CLASP1: variants seen among roughly 807,000 people sequenced by gnomAD.
The protein encoded by CLASP1 is CLIP-associating protein 1.
A neutral mutation model predicts 192.3 loss-of-function variants in CLASP1; 38 were observed. The ratio of observed to expected loss-of-function variants is 0.20; its 90% confidence interval spans 0.15 to 0.26. The LOEUF is 0.26. CLASP1 is among the 10% of genes least tolerant of loss of function. The pLI is 1.00. For synonymous variants in CLASP1, 691 were observed against 712.8 expected (o/e 0.97, Z 0.49); for missense variants, 1,433 against 1,932.5 (o/e 0.74, Z 4.85).
chr2:121,407,787 A>G (rs2077131175), intron 24 of CLASP1, 72 bp from the exon 26 acceptor site: 2 of 1,539,514 alleles, frequency 1.3e-6, no homozygotes, highest in Non-Finnish European at 1.8e-6. Flanking sequence ...GAGTCACACC[A>G]AACAAAATCT....
intron 19 of CLASP1, among the ~76,000 whole-genome samples, chr2:121,431,281 T>C (rs1299795561): frequency 6.6e-6 from 1 of 152,170 alleles, no homozygotes; most frequent in Non-Finnish European, 1.5e-5. Flanking sequence ...AACTTATAAA[T>C]AAACTCTATA....
intron 8 of CLASP1, among the ~76,000 whole-genome samples, chr2:121,485,081 AT>A (rs1463204614): frequency 6.6e-6 from 1 of 152,210 alleles, no homozygotes; most frequent in Non-Finnish European, 1.5e-5. Context: ...CATTTTGGAC[AT>A]GGTGGTTCAG....
chr2:121,460,165 T>A, intron 11 of CLASP1, 40 bp from the exon 12 acceptor site: 1 of 1,532,110 alleles, frequency 6.5e-7, no homozygotes, highest in Non-Finnish European at 9.0e-7. Context: ...AGAAAACAAT[T>A]CTAACACAGA....
Position 121,456,336 on chromosome 2 carries a change from TA to T in CLASP1, c.1385+1350del, listed in dbSNP as rs546786110. Among the ~76,000 whole-genome samples, 1,102 of 130,108 alleles carry T rather than the reference TA, an allele frequency of 8.5e-3. 8 individuals carry two copies. The highest frequency in any genetic ancestry group is 0.022 in the African/African-American group (770 of 35,378). The allele number at this position is 130,108 out of a possible 152,430, so 85.4% of individuals were successfully genotyped here. A position where few individuals can be genotyped will look rare whatever the true frequency, so the allele number is the denominator to read the frequency against. ...GGCAACATAATGAGACCCCCGTCTC[TA>T]AAAAAAAAAAAAAGTAAAAAAAGAA... On this transcript the variant is annotated intron_variant, in intron 14 of 39. Coordinates refer to ENST00000263710, the Ensembl canonical transcript of CLASP1.
chr2:121,419,763 GAATACA>G (rs2079181800), intron 22 of CLASP1, among the ~76,000 whole-genome samples: 1 of 152,136 alleles, frequency 6.6e-6, no homozygotes, highest in Admixed American at 6.5e-5. Flanking sequence ...CTTGTATACT[GAATACA>G]TGTAGGTGGA....
At position 121,339,637 on chromosome 2, in the gene CLASP1, G is replaced by C. The variant is rs915221752; in HGVS notation, c.*1224C>G. 5.3e-5 allele frequency: 8 copies of C among 152,202 alleles called. 1 individual carries two copies. The highest frequency in any genetic ancestry group is 5.2e-4 in the Admixed American group (8 of 15,282). The allele number at this position is 152,202 out of a possible 1,614,324, so 9.4% of individuals were successfully genotyped here. On this transcript the variant is annotated 3_prime_UTR_variant, in exon 40 of 40. Coordinates refer to ENST00000263710, the Ensembl canonical transcript of CLASP1. ...CCTAGTGGTTCGCTGAGGAGGAAGAGAGACTCTAAATGTGTGTTCTTTTTA... is the reference window on the plus strand; with the variant it reads ...CCTAGTGGTTCGCTGAGGAGGAAGACAGACTCTAAATGTGTGTTCTTTTTA...
At chr2:121,463,107 C>T (rs1294011206) in intron 9 of CLASP1, among the ~76,000 whole-genome samples, 1 of 152,072 alleles carries the variant, frequency 6.6e-6, no homozygotes, top group Non-Finnish European at 1.5e-5. Context: ...TCATTTTTTT[C>T]ACTTAAGAAT....
intron 2 of CLASP1, among the ~76,000 whole-genome samples, chr2:121,572,965 T>C (rs2060118306): frequency 6.6e-6 from 1 of 152,240 alleles, no homozygotes; most frequent in South Asian, 2.1e-4. Flanking sequence ...GAAAACAGTT[T>C]TGTTTTGTTT....
intron 30 of CLASP1, among the ~76,000 whole-genome samples, chr2:121,394,906 T>G (rs1272463750): frequency 2.0e-5 from 3 of 152,206 alleles, no homozygotes; most frequent in Non-Finnish European, 2.9e-5. Context: ...AAAACAAATT[T>G]TTTTAGTTTG....
intron 9 of CLASP1, among the ~76,000 whole-genome samples, chr2:121,465,825 A>G (rs1293845639): frequency 1.3e-5 from 2 of 152,368 alleles, no homozygotes; most frequent in Middle Eastern, 3.4e-3. Context: ...AAACAGAGAT[A>G]TAGATCAATG....
At chr2:121,410,933 C>A in exon 24 of CLASP1, 1 of 1,611,220 alleles carries the variant, frequency 6.2e-7, no homozygotes, top group Non-Finnish European at 8.5e-7. Flanking sequence ...ATTCACAGAA[C>A]CAGGTATTCT....
At chr2:121,594,168 C>T (rs551923859) in intron 2 of CLASP1, among the ~76,000 whole-genome samples, 161 of 144,148 alleles carry the variant, frequency 1.1e-3, no homozygotes, top group Middle Eastern at 4.0e-3. Flanking sequence ...GGCGTGGTGG[C>T]GGGCGCCTGT....
Position 121,401,474 on chromosome 2 carries a change from T to C in CLASP1, c.2900+35A>G, listed in dbSNP as rs572538240. On this transcript the variant is annotated intron_variant, in intron 28 of 39. Transcript: ENST00000263710. ...CAAAAAGTCACTTACAAGTATCCTG[T>C]AACATCAAAATGGACCTAACCCTTA... The C allele has an allele frequency of 1.5e-4, 235 of 1,562,312 alleles. 1 individual carries two copies. The South Asian group carries it at 2.8e-3, about 18-fold the overall frequency.
chr2:121,364,980 T>G, intron 36 of CLASP1, 114 bp downstream of exon 37: 1 of 938,176 alleles, frequency 1.1e-6, no homozygotes, highest in Non-Finnish European at 1.7e-6. Flanking sequence ...AATGTTTTGA[T>G]GTAAACAGTA....
At chr2:121,462,547 A>C (rs1317232269) in exon 10 of CLASP1, 2 of 1,590,244 alleles carry the variant, frequency 1.3e-6, no homozygotes, top group African/African-American at 1.3e-5. Context: ...CTACAGGTAC[A>C]TCATCAAATG....
intron 12 of CLASP1, 91 bp downstream of exon 12, chr2:121,459,889 A>G: frequency 8.0e-7 from 1 of 1,255,202 alleles, no homozygotes; most frequent in Non-Finnish European, 1.1e-6. Context: ...GTTACATTAA[A>G]GAGACCCAGC....
At chr2:121,622,341 C>T (rs1192964576) in intron 1 of CLASP1, among the ~76,000 whole-genome samples, 1 of 151,356 alleles carries the variant, frequency 6.6e-6, no homozygotes, top group Non-Finnish European at 1.5e-5. Flanking sequence ...GAGGTCGAGG[C>T]AGGTGGATCA....
At chr2:121,403,656 T>G (rs959734326) in intron 26 of CLASP1, 1 of 443,354 alleles carries the variant, frequency 2.3e-6, no homozygotes, top group African/African-American at 2.0e-5. Context: ...TCCCTAACAA[T>G]AGTATTTAAA....
intron 8 of CLASP1, 117 bp from the exon 9 acceptor site, chr2:121,470,077 T>G: frequency 1.2e-6 from 1 of 847,566 alleles, no homozygotes; most frequent in Non-Finnish European, 1.8e-6. Context: ...TTCTGCATAC[T>G]CTTTTGGAAT....
Sources: gnomAD v4.1 joint callset for allele counts (sites outside exome capture counted in the v4.1 genomes callset) on GRCh38, gnomAD v4.1.1 for gene constraint, MANE v1.5 for transcripts, NCBI Gene and HGNC (gene_info 2026-07-23, HGNC 2026-07-21) for gene names.